WWOX: variants seen among roughly 807,000 people sequenced by gnomAD.
WWOX encodes the protein WW domain-containing oxidoreductase.
Under a neutral mutation model 46.2 loss-of-function variants are expected in WWOX, and 69 were observed. The ratio of observed to expected loss-of-function variants is 1.49; its 90% CI spans 1.23 to 1.82. WWOX has a LOEUF of 1.82. Ranked by LOEUF, WWOX falls within the 40% of genes most tolerant of loss-of-function variation. The pLI is 0.00. For synonymous variants in WWOX, 359 were observed against 202.6 expected, an observed-to-expected ratio of 1.77 and a Z score of -6.56; for missense variants, 919 against 542.6, an observed-to-expected ratio of 1.69 and a Z score of -6.89.
intron 8 of WWOX, among the ~76,000 whole-genome samples, chr16:78,838,596 C>G (rs2052053972): frequency 1.3e-5 from 2 of 152,180 alleles, no homozygotes; most frequent in Admixed American, 6.5e-5. Flanking sequence ...AATCCCAGCA[C>G]TTTGGGAGGC....
chr16:79,062,928 C>G (rs566746159), intron 8 of WWOX, among the ~76,000 whole-genome samples: 7 of 152,318 alleles, frequency 4.6e-5, no homozygotes, highest in South Asian at 4.2e-4. Context: ...TCCACCTGCT[C>G]AAAAGGTCAA....
At chr16:79,181,013 CATT>C (rs2050900628) in intron 8 of WWOX, among the ~76,000 whole-genome samples, 1 of 152,114 alleles carries the variant, frequency 6.6e-6, no homozygotes, top group Non-Finnish European at 1.5e-5. Context: ...AGATTTTTTA[CATT>C]ATTAAGTTAA....
At chr16:78,154,356 C>T (rs1409871330) in intron 4 of WWOX, among the ~76,000 whole-genome samples, 1 of 152,248 alleles carries the variant, frequency 6.6e-6, no homozygotes, top group East Asian at 1.9e-4. Flanking sequence ...ATAGTGTTTA[C>T]TCCCTGCCTA....
intron 8 of WWOX, among the ~76,000 whole-genome samples, chr16:78,743,276 A>G (rs1205152953): frequency 1.3e-5 from 2 of 152,138 alleles, no homozygotes; most frequent in Non-Finnish European, 2.9e-5. Context: ...GGCCCTGTGT[A>G]TCCCTCAGAG....
intron 8 of WWOX, among the ~76,000 whole-genome samples, chr16:78,667,486 C>T (rs527376854): frequency 2.1e-4 from 32 of 151,648 alleles, no homozygotes; most frequent in African/African-American, 7.5e-4. Flanking sequence ...CTGGTTAACA[C>T]GGTGAAACCC....
chr16:79,163,902 C>G (rs955789083), intron 8 of WWOX, among the ~76,000 whole-genome samples: 1 of 88,462 alleles, frequency 1.1e-5, no homozygotes, highest in African/African-American at 4.6e-5. Flanking sequence ...AAAAAAGGAA[C>G]TGATCTGGCT....
chr16:78,588,705 T>C (rs2045279619), intron 8 of WWOX, among the ~76,000 whole-genome samples: 1 of 152,224 alleles, frequency 6.6e-6, no homozygotes, highest in African/African-American at 2.4e-5. Context: ...GCCTTTAACA[T>C]CTGCTAAGAG....
At chr16:78,849,167 C>G (rs1292764348) in intron 8 of WWOX, among the ~76,000 whole-genome samples, 2 of 152,168 alleles carry the variant, frequency 1.3e-5, no homozygotes, top group Non-Finnish European at 2.9e-5. Context: ...GGCCACTGTT[C>G]TGCCCAAACA....
intron 8 of WWOX, among the ~76,000 whole-genome samples, chr16:78,730,138 G>A (rs1409060214): frequency 1.3e-5 from 2 of 152,242 alleles, no homozygotes; most frequent in South Asian, 2.1e-4. Context: ...TTTAGGGAAT[G>A]AAACTACTTG....
chr16:78,638,440 T>G (rs3854985), intron 8 of WWOX, among the ~76,000 whole-genome samples: 44,575 of 151,886 alleles, frequency 0.29, 6,870 homozygotes, highest in African/African-American at 0.39. Flanking sequence ...TTTTTTTGTT[T>G]CCTCTGCAAG....
chr16:78,268,801 A>AT (rs1395923681), intron 5 of WWOX, among the ~76,000 whole-genome samples: 1 of 152,086 alleles, frequency 6.6e-6, no homozygotes, highest in Non-Finnish European at 1.5e-5. Context: ...TTGGTTTTAG[A>AT]TTTTTTTAAT....
intron 5 of WWOX, among the ~76,000 whole-genome samples, chr16:78,385,599 A>C (rs1280077028): frequency 6.6e-6 from 1 of 152,152 alleles, no homozygotes; most frequent in African/African-American, 2.4e-5. Flanking sequence ...GGCAGCCAAG[A>C]TAAACCAGCT....
intron 5 of WWOX, among the ~76,000 whole-genome samples, chr16:78,316,274 A>C (rs1023395452): frequency 6.6e-6 from 1 of 152,132 alleles, no homozygotes; most frequent in African/African-American, 2.4e-5. Flanking sequence ...CAGCATCCAC[A>C]TGTGTGCACA....
chr16:79,093,192 A>G (rs2048999875), intron 8 of WWOX, among the ~76,000 whole-genome samples: 1 of 152,222 alleles, frequency 6.6e-6, no homozygotes. Context: ...GTTTACATCT[A>G]TCAGAAAAAC....
intron 5 of WWOX, among the ~76,000 whole-genome samples, chr16:78,190,783 A>G (rs2035860446): frequency 6.6e-6 from 1 of 152,228 alleles, no homozygotes. Flanking sequence ...ATGACGCTGC[A>G]TACTTCATCA....
At chr16:78,758,038 T>TTC (rs941984822) in intron 8 of WWOX, among the ~76,000 whole-genome samples, 31 of 152,144 alleles carry the variant, frequency 2.0e-4, no homozygotes, top group African/African-American at 7.0e-4. Context: ...TTTCCCCACC[T>TTC]TCACAATGTG....
intron 5 of WWOX, among the ~76,000 whole-genome samples, chr16:78,168,984 C>T (rs2035062328): frequency 6.6e-6 from 1 of 151,882 alleles, no homozygotes; most frequent in South Asian, 2.1e-4. Flanking sequence ...AGAAGTAAAC[C>T]ACTGTCTTAA....
chr16:78,784,824 C>T (rs1384281268), intron 8 of WWOX, among the ~76,000 whole-genome samples: 1 of 152,256 alleles, frequency 6.6e-6, no homozygotes, highest in Non-Finnish European at 1.5e-5. Context: ...TCCCAAGGAT[C>T]CCCAAGGGAT....
At chr16:78,673,367 C>T (rs1175314317) in intron 8 of WWOX, among the ~76,000 whole-genome samples, 1 of 152,184 alleles carries the variant, frequency 6.6e-6, no homozygotes, top group Non-Finnish European at 1.5e-5. Flanking sequence ...CTTCGCCTCT[C>T]TAACACCACG....
Sources: allele counts gnomAD v4.1 joint callset (sites outside exome capture counted in the v4.1 genomes callset), GRCh38; gene constraint gnomAD v4.1.1; transcripts MANE v1.5; gene names NCBI Gene and HGNC (gene_info 2026-07-23, HGNC 2026-07-21).